Variants in CNTNAP2 observed in about 807,000 individuals in gnomAD.
CNTNAP2 encodes the protein contactin-associated protein-like 2.
Under a neutral mutation model 155.2 loss-of-function variants are expected in CNTNAP2, and 98 were observed. That is an observed-to-expected ratio of 0.63 (90% confidence interval 0.54 to 0.75). CNTNAP2 has a LOEUF of 0.75. Among genes scored for constraint, CNTNAP2 ranks in the 30% least tolerant of loss-of-function variants. CNTNAP2 has a pLI of 0.00. For synonymous variants in CNTNAP2, 651 were observed against 631.2 expected, an observed-to-expected ratio of 1.03 and a Z score of -0.47; for missense variants, 1,727 against 1,688.1, an observed-to-expected ratio of 1.02 and a Z score of -0.40.
rs751847799 is a variant in CNTNAP2, at chr7:146,302,384, T to A, written c.97+185411T>A. Among the ~76,000 whole-genome samples, 2 of 152,134 alleles carry A rather than the reference T, an allele frequency of 1.3e-5. 1 individual carries two copies. The highest frequency in any genetic ancestry group is 2.9e-5 in the Non-Finnish European group (2 of 68,008). On this transcript the variant is annotated intron_variant, in intron 1 of 23. Transcript: ENST00000361727. Reference sequence around the variant, plus strand: ...TAGTCAAAATGGTTTATATATGTGATCTTTCATTCACTTAGTCAAAAATCT... The same window carrying A: ...TAGTCAAAATGGTTTATATATGTGAACTTTCATTCACTTAGTCAAAAATCT...
At chr7:148,027,392 C>G (rs1227229676) in intron 15 of CNTNAP2, among the ~76,000 whole-genome samples, 1 of 152,096 alleles carries the variant, frequency 6.6e-6, no homozygotes, top group Non-Finnish European at 1.5e-5. Flanking sequence ...CAAATTCAGC[C>G]CACCTAAAGT....
At chr7:147,294,971 T>G (rs1035306588) in intron 8 of CNTNAP2, among the ~76,000 whole-genome samples, 2 of 152,132 alleles carry the variant, frequency 1.3e-5, no homozygotes, top group African/African-American at 4.8e-5. Flanking sequence ...AAAGACAAAT[T>G]ATTAAATGTG....
chr7:147,509,298 T>A (rs1798973183), intron 11 of CNTNAP2, among the ~76,000 whole-genome samples: 1 of 152,230 alleles, frequency 6.6e-6, no homozygotes, highest in African/African-American at 2.4e-5. Context: ...TTGTGGGATA[T>A]TTGCTTTTTG....
intron 13 of CNTNAP2, chr7:147,643,527 C>T (rs1361116844): frequency 6.6e-6 from 1 of 152,042 alleles, no homozygotes; most frequent in Non-Finnish European, 1.5e-5. Context: ...TTTAAAGAAG[C>T]TAATGTTTAC....
At chr7:147,636,506 ATGG>A (rs1204642955) in intron 12 of CNTNAP2, among the ~76,000 whole-genome samples, 1 of 152,170 alleles carries the variant, frequency 6.6e-6, no homozygotes, top group Non-Finnish European at 1.5e-5. Flanking sequence ...TACATGTGCC[ATGG>A]TGGTTTGCCG....
At chr7:148,413,456 AG>A in intron 23 of CNTNAP2, among the ~76,000 whole-genome samples, 1 of 121,582 alleles carries the variant, frequency 8.2e-6, no homozygotes, top group African/African-American at 3.2e-5. Context: ...ATTGCTCCAT[AG>A]TTTTCTTGTA....
chr7:146,880,463 ATGTT>A (rs921248481), intron 3 of CNTNAP2, among the ~76,000 whole-genome samples: 1 of 152,130 alleles, frequency 6.6e-6, no homozygotes, highest in Non-Finnish European at 1.5e-5. Context: ...TGAGAAATAA[ATGTT>A]TGTTTAAGCC....
chr7:147,520,396 T>C (rs1369590303), intron 11 of CNTNAP2, among the ~76,000 whole-genome samples: 4 of 152,168 alleles, frequency 2.6e-5, no homozygotes, highest in Non-Finnish European at 5.9e-5. Flanking sequence ...CTCAGAAGGA[T>C]GATTTTGTTT....
chr7:146,443,824 T>G (rs1395409469), intron 1 of CNTNAP2, among the ~76,000 whole-genome samples: 1 of 152,196 alleles, frequency 6.6e-6, no homozygotes, highest in Non-Finnish European at 1.5e-5. Context: ...TGCCCCAATT[T>G]TATCTTTTGT....
At chr7:146,938,070 C>T (rs996266628) in intron 3 of CNTNAP2, among the ~76,000 whole-genome samples, 3 of 152,074 alleles carry the variant, frequency 2.0e-5, no homozygotes, top group Non-Finnish European at 4.4e-5. Flanking sequence ...GAGTTAGGTA[C>T]ATGACAATAA....
chr7:147,460,979 T>G (rs1418406223), intron 10 of CNTNAP2, among the ~76,000 whole-genome samples: 1 of 152,058 alleles, frequency 6.6e-6, no homozygotes, highest in Non-Finnish European at 1.5e-5. Context: ...GGAGAAGAAG[T>G]TGTGTCGTGA....
At chr7:148,020,127 A>G (rs1030760492) in intron 15 of CNTNAP2, among the ~76,000 whole-genome samples, 1 of 152,124 alleles carries the variant, frequency 6.6e-6, no homozygotes, top group Non-Finnish European at 1.5e-5. Flanking sequence ...AAGCCAAAGG[A>G]TATTGCTTCA....
intron 12 of CNTNAP2, among the ~76,000 whole-genome samples, chr7:147,594,654 C>G (rs535853777): frequency 2.0e-5 from 3 of 152,246 alleles, no homozygotes; most frequent in African/African-American, 7.2e-5. Context: ...TTCACTACAA[C>G]TGAGAGTTAT....
At chr7:148,017,859 G>A (rs1446644337) in intron 15 of CNTNAP2, among the ~76,000 whole-genome samples, 3 of 152,230 alleles carry the variant, frequency 2.0e-5, no homozygotes, top group Admixed American at 6.5e-5. Context: ...CTTCAGAACA[G>A]GTGAAAGAAT....
chr7:146,397,088 T>G (rs1028812035), intron 1 of CNTNAP2, among the ~76,000 whole-genome samples: 1 of 152,194 alleles, frequency 6.6e-6, no homozygotes. Flanking sequence ...CCAACTAGAA[T>G]GAAGAGATGG....
intron 1 of CNTNAP2, among the ~76,000 whole-genome samples, chr7:146,201,821 A>G (rs1798867509): frequency 1.3e-5 from 2 of 152,204 alleles, no homozygotes; most frequent in Admixed American, 1.3e-4. Flanking sequence ...ACTGGTCACA[A>G]ATCACTTTGT....
In CNTNAP2 at chr7:148,294,039, C is replaced by CAAA. The variant is rs10607772; in HGVS notation, c.3475+26939_3475+26941dup. Among the ~76,000 whole-genome samples the CAAA allele has an allele frequency of 4.7e-4, 33 of 70,040 alleles. 1 individual carries two copies. The East Asian group carries it at 8.5e-3, about 18-fold the overall frequency. 45.9% of individuals were successfully genotyped at this position (70,040 alleles called of 152,430 possible). ...TGGGCAGCAGAGCGAGGCTCCATCTCAAAAAAAAAAAAAAAAAAAAAAAAA... is the reference window on the plus strand; with the variant it reads ...TGGGCAGCAGAGCGAGGCTCCATCTCAAAAAAAAAAAAAAAAAAAAAAAAAAAA... On this transcript the variant is annotated intron_variant, in intron 21 of 23. Transcript: ENST00000361727.
At chr7:147,372,298 T>C (rs1796361067) in intron 9 of CNTNAP2, among the ~76,000 whole-genome samples, 1 of 152,112 alleles carries the variant, frequency 6.6e-6, no homozygotes, top group African/African-American at 2.4e-5. Flanking sequence ...CTTACCCTAG[T>C]GTAAGGCAAC....
At chr7:148,039,185 GT>G (rs1802624996) in intron 15 of CNTNAP2, among the ~76,000 whole-genome samples, 1 of 152,202 alleles carries the variant, frequency 6.6e-6, no homozygotes, top group Non-Finnish European at 1.5e-5. Context: ...GTAACTCTTA[GT>G]CTGAGGCTGA....
Sources: allele counts gnomAD v4.1 joint callset (sites outside exome capture counted in the v4.1 genomes callset), GRCh38; gene constraint gnomAD v4.1.1; transcripts MANE v1.5; gene names NCBI Gene and HGNC (gene_info 2026-07-23, HGNC 2026-07-21).